ATL2: variants seen among roughly 807,000 people sequenced by gnomAD.
ATL2 encodes atlastin GTPase 2, also known as atlastin-2.
Under a neutral mutation model 73.9 loss-of-function variants are expected in ATL2, and 31 were observed. That is an observed-to-expected ratio of 0.42 (90% CI 0.32 to 0.57). The LOEUF (loss-of-function observed/expected upper bound fraction) is 0.57, where lower values mean the gene tolerates loss of function less well. ATL2 is among the 20% of genes least tolerant of loss of function. The probability of loss-of-function intolerance (pLI) is 0.14; values close to 1 mark genes in which losing one functional copy is unlikely to be tolerated. For synonymous variants in ATL2, 291 were observed against 237.5 expected (o/e 1.23, Z -2.07); for missense variants, 738 against 702.6 (o/e 1.05, Z -0.57).
intron 9 of ATL2, among the ~76,000 whole-genome samples, chr2:38,304,939 G>C (rs1053925419): frequency 2.0e-5 from 3 of 152,108 alleles, no homozygotes; most frequent in Non-Finnish European, 4.4e-5. Flanking sequence ...GTAACATTGA[G>C]TGTAAATGGG....
At position 38,298,254 on chromosome 2, in the gene ATL2, T is replaced by A. The variant is rs1573417413; in HGVS notation, c.1522A>T (p.Met508Leu). Reference sequence around the variant, plus strand: ...CAAAGAAATATCAGTGCTAACCCCATGACAAGGTTACACAAGACAGCTATA... The same window carrying A: ...CAAAGAAATATCAGTGCTAACCCCAAGACAAGGTTACACAAGACAGCTATA... ...NSIAVLCNLV[M>L]GLALIFLCTW... Residue 508 changes from methionine (M) to leucine (L), a missense_variant, in exon 12 of 13, where the codon ATG becomes TTG. Transcript: ENST00000378954. The A allele has an allele frequency of 6.2e-7, 1 of 1,614,088 alleles. No individual in the cohort carries two copies. The highest frequency in any genetic ancestry group is 1.1e-5 in the South Asian group (1 of 91,074).
chr2:38,301,623 G>A (rs905759529), intron 9 of ATL2, among the ~76,000 whole-genome samples: 9 of 152,194 alleles, frequency 5.9e-5, no homozygotes, highest in African/African-American at 2.2e-4. Context: ...ACTCAGCGCT[G>A]CCCTGCCACA....
intron 2 of ATL2, among the ~76,000 whole-genome samples, chr2:38,337,990 T>C (rs1407589078): frequency 6.6e-6 from 1 of 152,146 alleles, no homozygotes; most frequent in East Asian, 1.9e-4. Flanking sequence ...CTAAATTAAG[T>C]TTTGACCATT....
At position 38,354,452 on chromosome 2, in the gene ATL2, T is replaced by C. The variant is rs149120072; in HGVS notation, c.119-10940A>G. Reference sequence around the variant, plus strand: ...AAGACATGTTATGAGGCAAAGTAAATGAAATTACACCCTAAGGTTATGATT... The same window carrying C: ...AAGACATGTTATGAGGCAAAGTAAACGAAATTACACCCTAAGGTTATGATT... On this transcript the variant is annotated intron_variant, in intron 1 of 12. Transcript: ENST00000378954. Among the ~76,000 whole-genome samples the C allele has an allele frequency of 3.6e-3, 555 of 152,192 alleles. 4 individuals are homozygous for C. Among genetic ancestry groups the C allele is most frequent in the Non-Finnish European group, 5.2e-3 (353 of 68,002 alleles).
intron 1 of ATL2, among the ~76,000 whole-genome samples, chr2:38,361,550 A>T (rs1251221277): frequency 6.6e-6 from 1 of 152,132 alleles, no homozygotes; most frequent in Non-Finnish European, 1.5e-5. Flanking sequence ...TAAAAGAGAA[A>T]GGTTATTGGG....
At chr2:38,348,982 C>G (rs1054452600) in intron 1 of ATL2, among the ~76,000 whole-genome samples, 8 of 152,028 alleles carry the variant, frequency 5.3e-5, no homozygotes, top group Admixed American at 6.6e-5. Flanking sequence ...GATACCATCT[C>G]ACACCAGTTA....
At chr2:38,296,788 T>C in intron 12 of ATL2, 1 of 1,522,662 alleles carries the variant, frequency 6.6e-7, no homozygotes, top group South Asian at 1.2e-5. Flanking sequence ...TTACCTTACC[T>C]AAACTATACT....
Position 38,296,020 on chromosome 2 carries a change from G to A in ATL2, c.1726C>T (p.His576Tyr). 6.4e-7 allele frequency: 1 copy of A among 1,551,346 alleles called. No individual in the cohort carries two copies. The highest frequency in any genetic ancestry group is 1.4e-5 in the African/African-American group (1 of 73,152). ...CAGTCTGTCTTTAATCTGGCATGAT[G>A]AGACACCTGGTCAGTCAGGCCTGCT... is the stretch of plus-strand genomic sequence containing the variant. Reference protein sequence around the residue: ...IKAGLTDQVSHHARLKTD With the variant: ...IKAGLTDQVSYHARLKTD Residue 576 changes from histidine to tyrosine, a missense_variant, in exon 13 of 13, where the codon CAT becomes TAT. Coordinates refer to ENST00000378954, the MANE Select transcript of ATL2 (RefSeq NM_001135673.4).
At chr2:38,314,724 A>T in intron 5 of ATL2, 60 bp from the exon 6 acceptor site, 1 of 1,101,502 alleles carries the variant, frequency 9.1e-7, no homozygotes, top group South Asian at 1.5e-5. Flanking sequence ...GACATGTGTA[A>T]ACCTGTTCCA....
chr2:38,335,729 G>T (rs539588458), intron 2 of ATL2, among the ~76,000 whole-genome samples: 3 of 152,232 alleles, frequency 2.0e-5, no homozygotes, highest in South Asian at 2.1e-4. Context: ...CTTTATGTAT[G>T]TAAGTTACAC....
chr2:38,344,706 C>A (rs566153283), intron 1 of ATL2, among the ~76,000 whole-genome samples: 88 of 152,290 alleles, frequency 5.8e-4, no homozygotes, highest in African/African-American at 2.0e-3. Context: ...ATGATACTTA[C>A]AATGAGTCCC....
chr2:38,360,929 A>T (rs1160520750), intron 1 of ATL2, among the ~76,000 whole-genome samples: 1 of 144,312 alleles, frequency 6.9e-6, no homozygotes, highest in Non-Finnish European at 1.5e-5. Context: ...GTTGGTAACT[A>T]CAAAAAAAAA....
chr2:38,298,162 A>C lies in ATL2; in HGVS notation c.1614T>G (p.Ala538=). The C allele has an allele frequency of 6.2e-7, 1 of 1,612,766 alleles. No homozygotes were observed. Among genetic ancestry groups the C allele is most frequent in the Non-Finnish European group, 8.5e-7 (1 of 1,179,242 alleles). ...REIGTVIDQI[A]ETLWEQVLKP... ...TACCAACCTGTTCCCATAGTGTTTCAGCAATCTGATCAATCACTGTTCCAA... is the reference window on the plus strand; with the variant it reads ...TACCAACCTGTTCCCATAGTGTTTCCGCAATCTGATCAATCACTGTTCCAA... Residue 538 remains alanine, a synonymous_variant, in exon 12 of 13, where the codon GCT becomes GCG. Transcript: ENST00000378954.
Position 38,299,329 on chromosome 2 carries a change from TA to T in ATL2, c.1129-3del. Reference sequence around the variant, plus strand: ...AAGATTATTAGCTTCAGCTGTTGCCTAAAAAATAAAATATGCCATTATTATG... The same window carrying T: ...AAGATTATTAGCTTCAGCTGTTGCCTAAAAATAAAATATGCCATTATTATG... On this transcript the variant is annotated splice_polypyrimidine_tract_variant and splice_region_variant and intron_variant, in intron 10 of 12. Coordinates refer to ENST00000378954, the MANE Select transcript of ATL2 (RefSeq NM_001135673.4). The T allele has an allele frequency of 6.6e-7, 1 of 1,514,618 alleles. No individual in the cohort carries two copies. The highest frequency in any genetic ancestry group is 8.7e-7 in the Non-Finnish European group (1 of 1,144,586). 93.8% of individuals were successfully genotyped at this position (1,514,618 alleles called of 1,614,324 possible). A position where few individuals can be genotyped will look rare whatever the true frequency, so the allele number is the denominator to read the frequency against.
Position 38,314,498 on chromosome 2 carries a change from T to G in ATL2, c.711+110A>C, listed in dbSNP as rs1667923974. On this transcript the variant is annotated intron_variant, in intron 6 of 12. Coordinates refer to ENST00000378954, the MANE Select transcript of ATL2 (RefSeq NM_001135673.4). ...TTAGTTTCGATTGCACTGAATCTGT[T>G]GCTAGCAATGAGTCTATTGTAATAT... is the stretch of plus-strand genomic sequence containing the variant. The G allele has an allele frequency of 4.4e-6, 3 of 684,624 alleles. No homozygotes were observed. The South Asian group carries it at 5.8e-5, about 13-fold the overall frequency. 42.4% of individuals were successfully genotyped at this position (684,624 alleles called of 1,614,324 possible). A position where few individuals can be genotyped will look rare whatever the true frequency, so the allele number is the denominator to read the frequency against.
Position 38,299,298 on chromosome 2 carries a change from T to A in ATL2, c.1158A>T (p.Ala386=). 1 of 1,513,068 alleles carries A rather than the reference T, an allele frequency of 6.6e-7. No homozygotes were observed. The highest frequency in any genetic ancestry group is 1.5e-5 in the African/African-American group (1 of 68,056). 93.7% of individuals were successfully genotyped at this position (1,513,068 alleles called of 1,614,324 possible). A position where few individuals can be genotyped will look rare whatever the true frequency, so the allele number is the denominator to read the frequency against. Reference sequence around the variant, plus strand: ...AATAGGTATCTCTTGCTCCTGCTACTGCAGCAAGATTATTAGCTTCAGCTG... The same window carrying A: ...AATAGGTATCTCTTGCTCCTGCTACAGCAGCAAGATTATTAGCTTCAGCTG... ...QATAEANNLA[A]VAGARDTYCK... The change falls in exon 11 of 13, where the codon GCA becomes GCT. Residue 386 remains alanine (A), a synonymous_variant. Coordinates refer to ENST00000378954, the MANE Select transcript of ATL2 (RefSeq NM_001135673.4).
chr2:38,333,327 TA>T (rs970090315), intron 2 of ATL2, among the ~76,000 whole-genome samples: 4 of 152,004 alleles, frequency 2.6e-5, no homozygotes, highest in African/African-American at 9.7e-5. Flanking sequence ...ATGTACAAGC[TA>T]AATAGCAAAA....
intron 1 of ATL2, among the ~76,000 whole-genome samples, chr2:38,351,376 T>C (rs1670326073): frequency 6.6e-6 from 1 of 152,186 alleles, no homozygotes; most frequent in Non-Finnish European, 1.5e-5. Context: ...TGGCAAAAAT[T>C]AATGTTGCGT....
At chr2:38,307,158 G>C (rs12105925) in intron 9 of ATL2, among the ~76,000 whole-genome samples, 15,224 of 152,044 alleles carry the variant, frequency 0.1, 2,546 homozygotes, top group African/African-American at 0.35. Context: ...AGGAGTTCGA[G>C]ACCAGCCTGG....
Sources: allele counts gnomAD v4.1 joint callset (sites outside exome capture counted in the v4.1 genomes callset), GRCh38; gene constraint gnomAD v4.1.1; transcripts MANE v1.5; gene names NCBI Gene and HGNC (gene_info 2026-07-23, HGNC 2026-07-21).